DMXL1: variants seen among roughly 807,000 people sequenced by gnomAD.
DMXL1 encodes the protein dmX-like protein 1.
DMXL1 carries 99 observed loss-of-function variants against 319.2 expected under a neutral mutation model. The ratio of observed to expected loss-of-function variants is 0.31; its 90% CI spans 0.26 to 0.37. The LOEUF is 0.37. Among genes scored for constraint, DMXL1 ranks in the 10% least tolerant of loss-of-function variants. DMXL1 has a pLI of 1.00. For synonymous variants in DMXL1, 1,385 were observed against 1,235.2 expected, an observed-to-expected ratio of 1.12 and a Z score of -2.54; for missense variants, 3,745 against 3,595.6, an observed-to-expected ratio of 1.04 and a Z score of -1.06.
intron 43 of DMXL1, among the ~76,000 whole-genome samples, chr5:119,246,535 T>C (rs890027949): frequency 1.3e-5 from 2 of 152,138 alleles, no homozygotes; most frequent in Non-Finnish European, 2.9e-5. Flanking sequence ...GTTATGATCC[T>C]AGGCCTACAC....
Position 119,170,338 on chromosome 5 carries a change from A to T in DMXL1, c.5547A>T (p.Thr1849=). The part of the protein sequence containing the change: ...SLTGKSGLAG[T]INLSERRLFF... Reference sequence around the variant, plus strand: ...CAGGAAAAAGTGGACTGGCAGGAACAATTAATTTAAGTGAAAGACGTTTAT... The same window carrying T: ...CAGGAAAAAGTGGACTGGCAGGAACTATTAATTTAAGTGAAAGACGTTTAT... The change falls in exon 24 of 44, where the codon ACA becomes ACT. Residue 1849 remains threonine (T), a synonymous_variant. Transcript: ENST00000539542. 5 of 1,614,006 alleles carry T rather than the reference A, an allele frequency of 3.1e-6. No individual in the cohort carries two copies. The highest frequency in any genetic ancestry group is 1.7e-5 in the Admixed American group (1 of 60,020).
intron 32 of DMXL1, among the ~76,000 whole-genome samples, chr5:119,202,910 T>C (rs1781077888): frequency 1.4e-5 from 2 of 145,982 alleles, no homozygotes; most frequent in South Asian, 4.2e-4. Flanking sequence ...TATATATTTA[T>C]ATATTTTTAT....
chr5:119,143,936 T>C lies in DMXL1; in HGVS notation c.2466+6T>C. On this transcript the variant is annotated splice_donor_region_variant and intron_variant, in intron 14 of 43. Coordinates refer to ENST00000539542, the MANE Select transcript of DMXL1 (RefSeq NM_001290321.3). The stretch of plus-strand genomic sequence containing the variant: ...TAGATCCCATTACCAAACTTGTAAG[T>C]ATTAATTTTGGGGGGGAGGTATATT... 1 of 1,547,772 alleles carries C rather than the reference T, an allele frequency of 6.5e-7. No homozygotes were observed. The highest frequency in any genetic ancestry group is 8.7e-7 in the Non-Finnish European group (1 of 1,144,938).
Position 119,178,523 on chromosome 5 carries a change from T to C in DMXL1, c.7135+279T>C, listed in dbSNP as rs1048146915. 4.3e-6 allele frequency: 3 copies of C among 694,402 alleles called. 1 individual carries two copies. The South Asian group carries it at 2.0e-4, about 45-fold the overall frequency. The allele number at this position is 694,402 out of a possible 1,614,324, so 43.0% of individuals were successfully genotyped here. A position where few individuals can be genotyped will look rare whatever the true frequency, so the allele number is the denominator to read the frequency against. On this transcript the variant is annotated intron_variant, in intron 28 of 43. Coordinates refer to ENST00000539542, the MANE Select transcript of DMXL1 (RefSeq NM_001290321.3). ...TCATTTGTTTTGAAACACACTGTAA[T>C]ATTGGTTTTTGTTCTATCCCAAATA...
intron 33 of DMXL1, among the ~76,000 whole-genome samples, chr5:119,203,931 T>G (rs911261359): frequency 3.3e-5 from 5 of 152,124 alleles, no homozygotes; most frequent in Non-Finnish European, 7.4e-5. Context: ...CACACCATTC[T>G]CCTGCCTCAG....
At chr5:119,174,549 G>T (rs746239377) in intron 25 of DMXL1, among the ~76,000 whole-genome samples, 3 of 152,202 alleles carry the variant, frequency 2.0e-5, no homozygotes, top group Non-Finnish European at 4.4e-5. Flanking sequence ...GATTTGATCT[G>T]TCATTCTCCA....
At chr5:119,218,667 G>A (rs1784119337) in intron 35 of DMXL1, among the ~76,000 whole-genome samples, 4 of 152,190 alleles carry the variant, frequency 2.6e-5, no homozygotes, top group Admixed American at 1.3e-4. Flanking sequence ...ATGTTGGTTG[G>A]CCAGGATGGT....
intron 1 of DMXL1, among the ~76,000 whole-genome samples, chr5:119,090,626 G>A (rs566566570): frequency 1.8e-4 from 26 of 148,170 alleles, no homozygotes; most frequent in African/African-American, 3.5e-4. Context: ...GCAATGGCGC[G>A]ATCTCGGCTC....
Position 119,170,872 on chromosome 5 carries a change from G to T in DMXL1, c.6081G>T (p.Gln2027His), listed in dbSNP as rs1445476047. 1.9e-6 allele frequency: 3 copies of T among 1,612,456 alleles called. No individual in the cohort carries two copies. The highest frequency in any genetic ancestry group is 1.7e-6 in the Non-Finnish European group (2 of 1,179,656). The change falls in exon 24 of 44, where the codon CAG becomes CAT. Residue 2027 changes from glutamine (Q) to histidine (H), a missense_variant. By Grantham distance (24) the Gln-to-His change is conservative. Transcript: ENST00000539542. Reference sequence around the variant, plus strand: ...CATCAGAAGATATAATTGCAGTTCAGTTAAAATTTAGAGCATGTTTAAAGA... The same window carrying T: ...CATCAGAAGATATAATTGCAGTTCATTTAAAATTTAGAGCATGTTTAAAGA... ...LNPSEDIIAV[Q>H]LKFRACLKIL...
chr5:119,193,526 A>AT (rs1012524941), intron 29 of DMXL1, among the ~76,000 whole-genome samples: 39 of 152,108 alleles, frequency 2.6e-4, no homozygotes, highest in South Asian at 8.3e-4. Flanking sequence ...TTATTTGCCT[A>AT]TTTTTTTCCA....
At chr5:119,213,437 C>T (rs1783146868) in intron 34 of DMXL1, among the ~76,000 whole-genome samples, 1 of 152,138 alleles carries the variant, frequency 6.6e-6, no homozygotes, top group Non-Finnish European at 1.5e-5. Flanking sequence ...AACTGAAGCC[C>T]ATCTCCCTCT....
chr5:119,177,944 A>G, intron 27 of DMXL1, 52 bp from the exon 28 acceptor site: 1 of 1,466,126 alleles, frequency 6.8e-7, no homozygotes, highest in Non-Finnish European at 9.0e-7. Flanking sequence ...GTTAATTTTT[A>G]AAATTTTAAA....
chr5:119,181,483 A>G (rs1445982767), intron 28 of DMXL1, among the ~76,000 whole-genome samples: 1 of 152,234 alleles, frequency 6.6e-6, no homozygotes, highest in Non-Finnish European at 1.5e-5. Flanking sequence ...TCACTGAATG[A>G]TGAAAACTAA....
intron 9 of DMXL1, among the ~76,000 whole-genome samples, chr5:119,122,259 G>A (rs1342479544): frequency 6.8e-6 from 1 of 146,238 alleles, no homozygotes; most frequent in Non-Finnish European, 1.5e-5. Context: ...TGGCTGGGCG[G>A]GGGGCCGACC....
At chr5:119,125,162 T>C (rs147324459) in intron 9 of DMXL1, among the ~76,000 whole-genome samples, 56 of 152,348 alleles carry the variant, frequency 3.7e-4, no homozygotes, top group Middle Eastern at 3.4e-3. Flanking sequence ...ATGTGAATTT[T>C]TGACAGTAGA....
chr5:119,177,468 A>G lies in DMXL1; in HGVS notation c.6870A>G (p.Ser2290=). 5 of 1,602,374 alleles carry G rather than the reference A, an allele frequency of 3.1e-6. No homozygotes were observed. The highest frequency in any genetic ancestry group is 1.3e-5 in the African/African-American group (1 of 74,552). The change falls in exon 27 of 44, where the codon TCA becomes TCG. Residue 2290 remains serine (S), a synonymous_variant. Coordinates refer to ENST00000539542, the MANE Select transcript of DMXL1 (RefSeq NM_001290321.3). ...SLDEALTPNT[S]PAQWPGITCL... ...ATGAAGCATTAACTCCCAATACGTC[A>G]CCAGCTCAATGGCCAGGTATAATTT...
intron 13 of DMXL1, among the ~76,000 whole-genome samples, chr5:119,136,428 T>C (rs747569607): frequency 1.3e-5 from 2 of 152,226 alleles, no homozygotes; most frequent in Non-Finnish European, 2.9e-5. Context: ...GAAAAACTCA[T>C]TCCTGGAGAA....
chr5:119,170,281 A>T lies in DMXL1; in HGVS notation c.5490A>T (p.Ser1830=). The T allele has an allele frequency of 6.2e-7, 1 of 1,613,894 alleles. No homozygotes were observed. Among genetic ancestry groups the T allele is most frequent in the Non-Finnish European group, 8.5e-7 (1 of 1,179,950 alleles). The change falls in exon 24 of 44, where the codon TCA becomes TCT. Residue 1830 remains serine (S), a synonymous_variant. Transcript: ENST00000539542. ...HPLLLRRHFG[S]SDTFSTHMSL... ...TTTTGCTGAGACGTCATTTTGGATC[A>T]TCTGATACATTTTCCACACATATGA...
chr5:119,232,866 A>G (rs1027146964), intron 38 of DMXL1, among the ~76,000 whole-genome samples: 1 of 151,906 alleles, frequency 6.6e-6, no homozygotes, highest in South Asian at 2.1e-4. Context: ...TATATTTGAG[A>G]TATTAGGCCA....
Sources: gnomAD v4.1 joint callset for allele counts (sites outside exome capture counted in the v4.1 genomes callset) on GRCh38, gnomAD v4.1.1 for gene constraint, MANE v1.5 for transcripts, NCBI Gene and HGNC (gene_info 2026-07-23, HGNC 2026-07-21) for gene names.